The following NCOA3 variants were observed in gnomAD, a reference collection of about 807,000 sequenced individuals.
NCOA3 encodes the protein nuclear receptor coactivator 3, also known as CBP-interacting protein.
NCOA3 carries 51 observed loss-of-function variants against 158.8 expected under a neutral mutation model. The ratio of observed to expected loss-of-function variants is 0.32; its 90% CI spans 0.26 to 0.41. NCOA3 has a LOEUF of 0.41. Ranked by LOEUF, NCOA3 falls within the 10% of genes least tolerant of loss-of-function variation. The pLI is 1.00. For synonymous variants in NCOA3, 537 were observed against 592.4 expected (o/e 0.91, Z 1.36); for missense variants, 1,510 against 1,746.6 (o/e 0.86, Z 2.41).
At position 47,560,166 on chromosome 20, in the gene NCOA3, G is replaced by C. The variant is rs951400577; in HGVS notation, c.-98-23017G>C. 2.6e-5 allele frequency among the ~76,000 whole-genome samples: 4 copies of C among 152,036 alleles called. No homozygotes were observed. The East Asian group carries it at 7.7e-4, about 29-fold the overall frequency. On this transcript the variant is annotated intron_variant, in intron 1 of 22. Coordinates refer to ENST00000371998, the MANE Select transcript of NCOA3 (RefSeq NM_181659.3). ...ACAATCTTGGCTCACTGCAACCTTT[G>C]TCTCCTGGTTTCAAGCAATTCTCCT...
chr20:47,568,672 G>A (rs907420459), intron 1 of NCOA3, among the ~76,000 whole-genome samples: 3 of 151,812 alleles, frequency 2.0e-5, no homozygotes, highest in Non-Finnish European at 2.9e-5. Context: ...GGTGTGTGCC[G>A]GTAATCCCAG....
intron 2 of NCOA3, among the ~76,000 whole-genome samples, chr20:47,587,068 A>G (rs1387527703): frequency 6.6e-6 from 1 of 152,180 alleles, no homozygotes; most frequent in African/African-American, 2.4e-5. Flanking sequence ...TGTCTGATCC[A>G]GCTTTTTATT....
rs76881155 is a variant in NCOA3 at position 47,565,922 on chromosome 20, C to T, written c.-98-17261C>T. Reference sequence around the variant, plus strand: ...GCTTTGTATGGTTCTTTCATTGACACCATTAAACCTAAGTTTAAAAATGAA... The same window carrying T: ...GCTTTGTATGGTTCTTTCATTGACATCATTAAACCTAAGTTTAAAAATGAA... On this transcript the variant is annotated intron_variant, in intron 1 of 22. Transcript: ENST00000371998. Among the ~76,000 whole-genome samples, 1,121 of 152,270 alleles carry T rather than the reference C, an allele frequency of 7.4e-3. 15 individuals carry two copies. The highest frequency in any genetic ancestry group is 0.025 in the African/African-American group (1,059 of 41,556).
At chr20:47,649,519 C>T (rs2086747249) in intron 19 of NCOA3, among the ~76,000 whole-genome samples, 1 of 152,044 alleles carries the variant, frequency 6.6e-6, no homozygotes, top group Non-Finnish European at 1.5e-5. Context: ...ATCCTGTTCT[C>T]AGTGATAGCC....
Position 47,636,797 on chromosome 20 carries a change from C to T in NCOA3, c.2376+35C>T, listed in dbSNP as rs768765364. The T allele has an allele frequency of 3.3e-6, 5 of 1,525,224 alleles. No individual in the cohort carries two copies. In the African/African-American group the frequency reaches 6.9e-5, roughly 21 times the overall value. The allele number at this position is 1,525,224 out of a possible 1,614,324, so 94.5% of individuals were successfully genotyped here. Reference sequence around the variant, plus strand: ...TTTCTGTATATTTCAGCTCATATTTCATCATTTTTCGGTGTTAGATAATGT... The same window carrying T: ...TTTCTGTATATTTCAGCTCATATTTTATCATTTTTCGGTGTTAGATAATGT... On this transcript the variant is annotated intron_variant, in intron 12 of 22. Coordinates refer to ENST00000371998, the MANE Select transcript of NCOA3 (RefSeq NM_181659.3).
chr20:47,585,290 G>GC (rs1344243713), intron 2 of NCOA3, among the ~76,000 whole-genome samples: 2 of 152,184 alleles, frequency 1.3e-5, no homozygotes, highest in East Asian at 3.9e-4. Context: ...CAAGTGACGT[G>GC]CCTGCCTTGG....
rs563407222 is a variant in NCOA3, at chr20:47,516,935, A to G, written c.-99+14916A>G. Among the ~76,000 whole-genome samples, 21 of 148,838 alleles carry G rather than the reference A, an allele frequency of 1.4e-4. 1 individual carries two copies. The East Asian group carries it at 3.5e-3, about 24-fold the overall frequency. On this transcript the variant is annotated intron_variant, in intron 1 of 22. Transcript: ENST00000371998. ...ACCCTGTCTTAAAAAAAAAAAAAAAAAAATTTGCTGGGTGCAGTGACTCAC... is the reference window on the plus strand; with the variant it reads ...ACCCTGTCTTAAAAAAAAAAAAAAAGAAATTTGCTGGGTGCAGTGACTCAC...
intron 1 of NCOA3, among the ~76,000 whole-genome samples, chr20:47,570,571 C>A (rs563148694): frequency 6.6e-6 from 1 of 152,324 alleles, no homozygotes; most frequent in South Asian, 2.1e-4. Flanking sequence ...ACTTCCTCCA[C>A]TGAAATCCTG....
At chr20:47,517,986 C>T (rs934762790) in intron 1 of NCOA3, among the ~76,000 whole-genome samples, 4 of 152,070 alleles carry the variant, frequency 2.6e-5, no homozygotes, top group African/African-American at 9.7e-5. Flanking sequence ...AAGCAAATCC[C>T]TAGGAATATT....
At chr20:47,505,947 G>A (rs1569308538) in intron 1 of NCOA3, among the ~76,000 whole-genome samples, 1 of 151,928 alleles carries the variant, frequency 6.6e-6, no homozygotes. Flanking sequence ...TGGGACTACC[G>A]GCGCTCGCCA....
At chr20:47,523,510 A>C (rs1218939696) in intron 1 of NCOA3, among the ~76,000 whole-genome samples, 1 of 152,238 alleles carries the variant, frequency 6.6e-6, no homozygotes, top group Admixed American at 6.5e-5. Flanking sequence ...CAAGACGTAT[A>C]AGCAAGAGAG....
intron 1 of NCOA3, among the ~76,000 whole-genome samples, chr20:47,565,902 G>C (rs2085186204): frequency 6.6e-6 from 1 of 152,104 alleles, no homozygotes; most frequent in Non-Finnish European, 1.5e-5. Context: ...TACTAGCTTT[G>C]TATGGTTCTT....
At chr20:47,605,385 C>T (rs2085929125) in intron 2 of NCOA3, among the ~76,000 whole-genome samples, 2 of 151,788 alleles carry the variant, frequency 1.3e-5, no homozygotes, top group Admixed American at 1.3e-4. Flanking sequence ...ATATGCATTA[C>T]TTAGGTTTTG....
At chr20:47,563,732 TA>T (rs944241795) in intron 1 of NCOA3, among the ~76,000 whole-genome samples, 6 of 150,784 alleles carry the variant, frequency 4.0e-5, no homozygotes, top group African/African-American at 1.5e-4. Flanking sequence ...ACTAAAAATA[TA>T]AAAAAATTAG....
At chr20:47,635,236 TAAAA>T in intron 10 of NCOA3, 82 bp from the exon 11 acceptor site, 1 of 1,384,294 alleles carries the variant, frequency 7.2e-7, no homozygotes, top group Non-Finnish European at 9.6e-7. Context: ...GCTGGTTTTT[TAAAA>T]TTTTATTTTA....
intron 5 of NCOA3, 149 bp downstream of exon 5, chr20:47,625,630 T>C: frequency 1.6e-6 from 1 of 629,114 alleles, no homozygotes; most frequent in Non-Finnish European, 2.8e-6. Context: ...CTGAATATGA[T>C]GGTAAAATGC....
chr20:47,611,429 A>T (rs963935979), intron 2 of NCOA3, among the ~76,000 whole-genome samples: 1 of 152,148 alleles, frequency 6.6e-6, no homozygotes, highest in African/African-American at 2.4e-5. Context: ...TGATGTAGAG[A>T]TACTTATGTC....
intron 2 of NCOA3, among the ~76,000 whole-genome samples, chr20:47,609,484 AG>A (rs1371229747): frequency 6.6e-6 from 1 of 152,174 alleles, no homozygotes; most frequent in Non-Finnish European, 1.5e-5. Context: ...ACAGAAAAAA[AG>A]TTCTTTAAAG....
rs1357905735 is a variant in NCOA3, at chr20:47,656,770, C to CAAAG, written c.*3356_*3359dup. On this transcript the variant is annotated 3_prime_UTR_variant, in exon 23 of 23. Transcript: ENST00000371998. ...AAAATAGAAATTATTCTTTATCTTG[C>CAAAG]AAAGAATTGAAACCACATGAAATGA... 2.0e-5 allele frequency: 3 copies of CAAAG among 152,066 alleles called. No individual in the cohort carries two copies. Among genetic ancestry groups the CAAAG allele is most frequent in the Non-Finnish European group, 4.4e-5 (3 of 67,984 alleles). 9.4% of individuals were successfully genotyped at this position (152,066 alleles called of 1,614,324 possible). A position where few individuals can be genotyped will look rare whatever the true frequency, so the allele number is the denominator to read the frequency against.
Sources: allele counts gnomAD v4.1 joint callset (sites outside exome capture counted in the v4.1 genomes callset), GRCh38; gene constraint gnomAD v4.1.1; transcripts MANE v1.5; gene names NCBI Gene and HGNC (gene_info 2026-07-23, HGNC 2026-07-21).